AEBP2: variants seen among roughly 807,000 people sequenced by gnomAD.
AEBP2 encodes AE binding protein 2, also known as zinc finger protein AEBP2.
AEBP2 carries 10 observed loss-of-function variants against 50.8 expected under a neutral mutation model. That is an observed-to-expected ratio of 0.20 (90% CI 0.12 to 0.33). AEBP2 has a LOEUF of 0.33. Ranked by LOEUF, AEBP2 falls within the 10% of genes least tolerant of loss-of-function variation. The probability of loss-of-function intolerance (pLI) is 1.00; values close to 1 mark genes in which losing one functional copy is unlikely to be tolerated. For missense variants in AEBP2, 570 were observed against 688.0 expected, an observed-to-expected ratio of 0.83 and a Z score of 1.92; for synonymous variants, 296 against 261.3, an observed-to-expected ratio of 1.13 and a Z score of -1.28.
At chr12:19,466,704 C>T in intron 2 of AEBP2, 1 of 732,594 alleles carries the variant, frequency 1.4e-6, no homozygotes, top group African/African-American at 1.9e-5. Context: ...TTTTGTTGGC[C>T]TAATTATTTT....
At chr12:19,472,630 AAT>A (rs1033708046) in intron 2 of AEBP2, among the ~76,000 whole-genome samples, 4 of 152,168 alleles carry the variant, frequency 2.6e-5, no homozygotes, top group Non-Finnish European at 1.5e-5. Flanking sequence ...CAGGGTCTCA[AAT>A]ATCTCTCTAT....
intron 1 of AEBP2, among the ~76,000 whole-genome samples, chr12:19,430,246 T>C (rs1331279776): frequency 6.6e-6 from 1 of 152,218 alleles, no homozygotes; most frequent in Non-Finnish European, 1.5e-5. Context: ...CTTTCCCCAT[T>C]TCTTGTTTTT....
intron 1 of AEBP2, among the ~76,000 whole-genome samples, chr12:19,442,948 G>C (rs184761147): frequency 6.6e-5 from 10 of 152,196 alleles, no homozygotes; most frequent in African/African-American, 2.4e-4. Context: ...GATAATCTTA[G>C]TTTTAAAGTG....
intron 1 of AEBP2, among the ~76,000 whole-genome samples, chr12:19,443,507 T>A (rs1948001384): frequency 6.7e-6 from 1 of 148,634 alleles, no homozygotes; most frequent in African/African-American, 2.5e-5. Context: ...TCATTTGAGG[T>A]CAAGGAATTC....
intron 5 of AEBP2, among the ~76,000 whole-genome samples, chr12:19,506,453 A>G (rs1949157096): frequency 6.6e-6 from 1 of 152,204 alleles, no homozygotes; most frequent in African/African-American, 2.4e-5. Context: ...TTATTGAGGT[A>G]CAATTTATAT....
At chr12:19,448,478 C>T (rs1207380229) in intron 1 of AEBP2, among the ~76,000 whole-genome samples, 1 of 150,674 alleles carries the variant, frequency 6.6e-6, no homozygotes, top group Non-Finnish European at 1.5e-5. Context: ...GAGCAAGACT[C>T]CATCTCAAAA....
intron 5 of AEBP2, among the ~76,000 whole-genome samples, chr12:19,502,160 A>T (rs1949092084): frequency 6.6e-6 from 1 of 151,908 alleles, no homozygotes; most frequent in Admixed American, 6.6e-5. Flanking sequence ...TTTGAGACAG[A>T]GTCTTGCTCT....
chr12:19,454,474 A>G (rs1948228891), intron 1 of AEBP2, among the ~76,000 whole-genome samples: 1 of 152,194 alleles, frequency 6.6e-6, no homozygotes, highest in Non-Finnish European at 1.5e-5. Context: ...GCATGATTTT[A>G]TGTGAATGAA....
intron 3 of AEBP2, among the ~76,000 whole-genome samples, chr12:19,482,454 A>G (rs906957412): frequency 6.6e-6 from 1 of 152,208 alleles, no homozygotes; most frequent in Non-Finnish European, 1.5e-5. Context: ...TGTCGCAGGC[A>G]GTGGAATTAG....
chr12:19,510,800 A>G (rs12819942), intron 5 of AEBP2, among the ~76,000 whole-genome samples: 15,470 of 150,014 alleles, frequency 0.1, 807 homozygotes, highest in Middle Eastern at 0.15. Context: ...CTAATGAGAC[A>G]TGTTACAGTT....
chr12:19,464,675 C>T (rs1451242253), intron 2 of AEBP2, among the ~76,000 whole-genome samples: 1 of 151,768 alleles, frequency 6.6e-6, no homozygotes, highest in African/African-American at 2.4e-5. Context: ...CAACCTCTGC[C>T]TCCCGGGTTC....
chr12:19,487,986 A>G (rs1828371673), intron 3 of AEBP2, among the ~76,000 whole-genome samples: 1 of 152,210 alleles, frequency 6.6e-6, no homozygotes, highest in South Asian at 2.1e-4. Context: ...CGATTGATGC[A>G]TTGCAGAGCC....
chr12:19,504,579 T>C (rs1565735366), intron 5 of AEBP2, among the ~76,000 whole-genome samples: 1 of 152,026 alleles, frequency 6.6e-6, no homozygotes, highest in Non-Finnish European at 1.5e-5. Context: ...TTTATGGACC[T>C]TTACCCACAC....
chr12:19,406,134 T>G (rs1196638414), intron 1 of AEBP2, among the ~76,000 whole-genome samples: 1 of 151,858 alleles, frequency 6.6e-6, no homozygotes, highest in Non-Finnish European at 1.5e-5. Flanking sequence ...CCTGGCTAAT[T>G]TTTGCATTTT....
At chr12:19,512,345 G>A (rs1474385581) in intron 5 of AEBP2, 53 bp from the exon 6 acceptor site, 3 of 1,284,772 alleles carry the variant, frequency 2.3e-6, no homozygotes, top group Non-Finnish European at 3.2e-6. Flanking sequence ...AACAATACAT[G>A]AAAATGATGT....
chr12:19,413,547 C>A, intron 1 of AEBP2: 1 of 695,114 alleles, frequency 1.4e-6, no homozygotes, highest in Non-Finnish European at 2.6e-6. Context: ...TGTTTATTGT[C>A]TATATGCCTT....
At chr12:19,410,445 A>G (rs2095738675) in intron 1 of AEBP2, among the ~76,000 whole-genome samples, 1 of 152,188 alleles carries the variant, frequency 6.6e-6, no homozygotes, top group African/African-American at 2.4e-5. Flanking sequence ...CAAATGGTGT[A>G]GATGGAAGAG....
intron 7 of AEBP2, among the ~76,000 whole-genome samples, chr12:19,515,272 T>A (rs1371835509): frequency 1.3e-5 from 2 of 152,188 alleles, no homozygotes; most frequent in African/African-American, 4.8e-5. Flanking sequence ...GAGCTTTTTT[T>A]AGTGTGCTGT....
intron 1 of AEBP2, among the ~76,000 whole-genome samples, chr12:19,441,037 A>G (rs2153366155): frequency 6.6e-6 from 1 of 152,332 alleles, no homozygotes; most frequent in East Asian, 1.9e-4. Flanking sequence ...AAGAATAGTG[A>G]ATTGATGGCC....
Sources: gnomAD v4.1 joint callset for allele counts (sites outside exome capture counted in the v4.1 genomes callset) on GRCh38, gnomAD v4.1.1 for gene constraint, MANE v1.5 for transcripts, NCBI Gene and HGNC (gene_info 2026-07-23, HGNC 2026-07-21) for gene names.